Variants in CLPTM1L observed in about 807,000 individuals in gnomAD.
CLPTM1L encodes CLPTM1 like, also known as lipid scramblase CLPTM1L.
In CLPTM1L, 38 loss-of-function variants were observed where a neutral mutation model predicts 70.9. That is an observed-to-expected ratio of 0.54 (90% CI 0.41 to 0.70). The LOEUF is 0.70. Ranked by LOEUF, CLPTM1L falls within the 30% of genes least tolerant of loss-of-function variation. The pLI, the probability that CLPTM1L is intolerant of heterozygous loss-of-function variation, is 0.00. For synonymous variants in CLPTM1L, 339 were observed against 299.9 expected (o/e 1.13, Z -1.35); for missense variants, 652 against 705.9 (o/e 0.92, Z 0.87).
rs1310039588 is a variant in CLPTM1L at position 1,318,557 on chromosome 5, G to C, written c.1533-104C>G. The C allele has an allele frequency of 1.0e-5, 9 of 903,118 alleles. No individual in the cohort carries two copies. The highest frequency in any genetic ancestry group is 2.5e-5 in the East Asian group (1 of 39,514). The allele number at this position is 903,118 out of a possible 1,614,324, so 55.9% of individuals were successfully genotyped here. A position where few individuals can be genotyped will look rare whatever the true frequency, so the allele number is the denominator to read the frequency against. On this transcript the variant is annotated intron_variant, in intron 16 of 16. Transcript: ENST00000320895. This position sits in a 1 kb window ranked among gnomAD's most constrained non-coding sequence, Gnocchi z 8.9. The stretch of plus-strand genomic sequence containing the variant: ...ATTTATTTTCCAGTGAGCTGCCACA[G>C]TGAGCAAATTAACTAAAAAGTCGAA...
intron 14 of CLPTM1L, 39 bp from the exon 15 acceptor site, chr5:1,321,718 G>A (rs1752164098): frequency 6.2e-7 from 1 of 1,613,876 alleles, no homozygotes; most frequent in East Asian, 2.2e-5. Flanking sequence ...GCTGTGGGCA[G>A]CACAGGAGAC....
In CLPTM1L at chr5:1,326,811, C is replaced by T. The variant is rs371269142; in HGVS notation, c.1081-995G>A. 4.8e-4 allele frequency among the ~76,000 whole-genome samples: 73 copies of T among 151,442 alleles called. 1 individual carries two copies. In the East Asian group the frequency reaches 0.012, roughly 26 times the overall value. On this transcript the variant is annotated intron_variant, in intron 9 of 16. Coordinates refer to ENST00000320895, the MANE Select transcript of CLPTM1L (RefSeq NM_030782.5). ...AGGGACATTTCATCCAGCTCCTCCCCTACAGGGACATTTCATCCAGCTCCT... is the reference window on the plus strand; with the variant it reads ...AGGGACATTTCATCCAGCTCCTCCCTTACAGGGACATTTCATCCAGCTCCT...
chr5:1,318,548 G>C lies in CLPTM1L; in HGVS notation c.1533-95C>G. On this transcript the variant is annotated intron_variant, in intron 16 of 16. Transcript: ENST00000320895. The surrounding 1 kb of genome is among the most constrained non-coding windows in gnomAD (Gnocchi z 8.9). ...GCATCCTCGATTTATTTTCCAGTGA[G>C]CTGCCACAGTGAGCAAATTAACTAA... The C allele has an allele frequency of 2.0e-6, 2 of 1,002,044 alleles. No individual in the cohort carries two copies. The highest frequency in any genetic ancestry group is 1.6e-6 in the Non-Finnish European group (1 of 645,010). The allele number at this position is 1,002,044 out of a possible 1,614,324, so 62.1% of individuals were successfully genotyped here.
In CLPTM1L at chr5:1,325,525, T is replaced by C. The variant is rs1579624460; in HGVS notation, c.1146+226A>G. The C allele has an allele frequency of 5.5e-6, 3 of 549,110 alleles. No homozygotes were observed. In the East Asian group the frequency reaches 8.6e-5, roughly 16 times the overall value. 34.0% of individuals were successfully genotyped at this position (549,110 alleles called of 1,614,324 possible). A position where few individuals can be genotyped will look rare whatever the true frequency, so the allele number is the denominator to read the frequency against. ...CCAGAGGCCGGCTCAGGCCCAGAAG[T>C]GCTGCCGTCTGCACTGAAGACGGTC... On this transcript the variant is annotated intron_variant, in intron 10 of 16. Transcript: ENST00000320895.
chr5:1,344,429 CTCG>C lies in CLPTM1L; in HGVS notation c.182_184del (p.Thr61del). The C allele has an allele frequency of 6.2e-7, 1 of 1,613,616 alleles. No homozygotes were observed. On this transcript the variant is annotated inframe_deletion, in exon 2 of 17. Transcript: ENST00000320895. ...GTTGTTCTCAGCACCCAGGTGGGAC[CTCG>C]TCGTGGTGTACACGCTCAGCTGGAA...
intron 2 of CLPTM1L, among the ~76,000 whole-genome samples, chr5:1,343,140 G>C (rs1014226757): frequency 1.6e-4 from 24 of 151,614 alleles, no homozygotes; most frequent in African/African-American, 5.8e-4. Context: ...GCAGTGAGCA[G>C]AGATCACGCC....
rs186030786 is a variant in CLPTM1L, at chr5:1,324,142, C to G, written c.1198-273G>C. 436 of 484,326 alleles carry G rather than the reference C, an allele frequency of 9.0e-4. 1 individual carries two copies. Among genetic ancestry groups the G allele is most frequent in the Middle Eastern group, 4.2e-3 (8 of 1,892 alleles). The allele number at this position is 484,326 out of a possible 1,614,324, so 30.0% of individuals were successfully genotyped here. A position where few individuals can be genotyped will look rare whatever the true frequency, so the allele number is the denominator to read the frequency against. ...ATTCTGGTTGGTCAAAACCAACCAA[C>G]CCACAACAGATCAATAAACATAATG... On this transcript the variant is annotated intron_variant, in intron 11 of 16. Transcript: ENST00000320895.
At chr5:1,330,640 T>G in intron 8 of CLPTM1L, 1 of 504,922 alleles carries the variant, frequency 2.0e-6, no homozygotes, top group South Asian at 3.1e-5. Context: ...CACTTGCAAA[T>G]GAGCATGGAA....
intron 5 of CLPTM1L, among the ~76,000 whole-genome samples, chr5:1,335,979 C>T (rs894001886): frequency 2.6e-5 from 4 of 152,374 alleles, no homozygotes; most frequent in African/African-American, 7.2e-5. Flanking sequence ...GAACATCCAG[C>T]GAGGGCTGTG....
At chr5:1,325,281 G>A (rs1240120614) in intron 10 of CLPTM1L, 7 of 244,544 alleles carry the variant, frequency 2.9e-5, no homozygotes, top group Admixed American at 1.0e-4. Flanking sequence ...AGGTCCATCC[G>A]TGGGCACTGA....
Position 1,318,395 on chromosome 5 carries a change from C to T in CLPTM1L, c.1591G>A (p.Ala531Thr), listed in dbSNP as rs146435972. The T allele has an allele frequency of 2.9e-5, 46 of 1,613,702 alleles. No individual in the cohort carries two copies. The African/African-American group carries it at 6.0e-4, about 21-fold the overall frequency. The part of the protein sequence containing the change: ...NEFGESYEEK[A>T]TRAPHTD The stretch of plus-strand genomic sequence containing the variant: ...CAGTCCGTGTGGGGCGCCCGCGTGG[C>T]CTTCTCCTCGTAGGACTCCCCAAAC... Residue 531 changes from alanine (A) to threonine (T), a missense_variant, in exon 17 of 17, where the codon GCC (alanine) becomes ACC (threonine). Ala to Thr is a moderately conservative substitution (Grantham distance 58, BLOSUM62 0). Coordinates refer to ENST00000320895, the MANE Select transcript of CLPTM1L (RefSeq NM_030782.5). The surrounding 1 kb of genome is among the most constrained non-coding windows in gnomAD (Gnocchi z 8.9).
intron 9 of CLPTM1L, among the ~76,000 whole-genome samples, chr5:1,327,823 C>G (rs1752726883): frequency 6.7e-6 from 1 of 149,692 alleles, no homozygotes; most frequent in Non-Finnish European, 1.5e-5. Context: ...TCCAGCTCCT[C>G]CTCTACAGAC....
chr5:1,325,023 AG>A lies in CLPTM1L; in HGVS notation c.1147-211del. The A allele has an allele frequency of 8.3e-6, 5 of 601,810 alleles. No individual in the cohort carries two copies. The South Asian group carries it at 1.0e-4, about 12-fold the overall frequency. 37.3% of individuals were successfully genotyped at this position (601,810 alleles called of 1,614,324 possible). On this transcript the variant is annotated intron_variant, in intron 10 of 16. Transcript: ENST00000320895. ...CCTCACCCTGGCCCTGGGTCCCACA[AG>A]CCTGATGGGGGCAACGCGGCCTCAC... is the stretch of plus-strand genomic sequence containing the variant.
At chr5:1,320,569 A>T in intron 16 of CLPTM1L, 47 bp downstream of exon 16, 1 of 1,052,918 alleles carries the variant, frequency 9.5e-7, no homozygotes, top group Non-Finnish European at 1.4e-6. Context: ...AGCAGCAGCC[A>T]CGCCGCTGAG....
At position 1,333,193 on chromosome 5, in the gene CLPTM1L, AGGATAAGGGGGGACTACTGTAGACACACC is replaced by A. The variant is rs1561243482; in HGVS notation, c.891+1067_891+1095del. Among the ~76,000 whole-genome samples, 67 of 57,860 alleles carry A rather than the reference AGGATAAGGGGGGACTACTGTAGACACACC, an allele frequency of 1.2e-3. 18 individuals carry two copies. Among genetic ancestry groups the A allele is most frequent in the Non-Finnish European group, 1.3e-3 (40 of 31,250 alleles). The allele number at this position is 57,860 out of a possible 152,430, so 38.0% of individuals were successfully genotyped here. ...GGGACTACTGTATACACACCGGATG[AGGATAAGGGGGGACTACTGTAGACACACC>A]GGATAAGGGGGGACTACTGTATACA... On this transcript the variant is annotated intron_variant, in intron 7 of 16. Coordinates refer to ENST00000320895, the MANE Select transcript of CLPTM1L (RefSeq NM_030782.5).
intron 6 of CLPTM1L, among the ~76,000 whole-genome samples, 166 bp from the exon 7 acceptor site, chr5:1,334,549 T>C (rs1419045139): frequency 1.3e-5 from 2 of 151,262 alleles, no homozygotes; most frequent in Non-Finnish European, 1.5e-5. Context: ...AAGTCAGGAG[T>C]TCAAGACCAG....
intron 5 of CLPTM1L, among the ~76,000 whole-genome samples, chr5:1,336,776 A>T (rs1753598707): frequency 6.6e-6 from 1 of 152,176 alleles, no homozygotes; most frequent in African/African-American, 2.4e-5. Flanking sequence ...GTTGTATAGG[A>T]GCAATCAGTG....
At chr5:1,323,971 A>C in intron 11 of CLPTM1L, 102 bp from the exon 12 acceptor site, 1 of 932,842 alleles carries the variant, frequency 1.1e-6, no homozygotes. Context: ...AGAACGAGCT[A>C]CAGCGCTCAG....
chr5:1,321,258 G>A (rs1034633379), intron 15 of CLPTM1L, among the ~76,000 whole-genome samples: 2 of 152,270 alleles, frequency 1.3e-5, no homozygotes, highest in African/African-American at 4.8e-5. Context: ...CTCTGCCAGC[G>A]GGGAATGGCC....
Sources: gnomAD v4.1 joint callset for allele counts (sites outside exome capture counted in the v4.1 genomes callset) on GRCh38, gnomAD v4.1.1 for gene constraint, Gnocchi (gnomAD v3.1) non-coding constraint, MANE v1.5 for transcripts, NCBI Gene and HGNC (gene_info 2026-07-23, HGNC 2026-07-21) for gene names.